Variants in OSBPL6 observed in about 807,000 individuals in gnomAD.
OSBPL6 encodes the protein oxysterol-binding protein-related protein 6.
A neutral mutation model predicts 125.8 loss-of-function variants in OSBPL6; 49 were observed. The ratio of observed to expected loss-of-function variants is 0.39; its 90% CI spans 0.31 to 0.49. OSBPL6 has a LOEUF of 0.49. Ranked by LOEUF, OSBPL6 falls within the 20% of genes least tolerant of loss-of-function variation. OSBPL6 has a pLI of 0.88. For missense variants in OSBPL6, 986 were observed against 1,135.4 expected, an observed-to-expected ratio of 0.87 and a Z score of 1.89; for synonymous variants, 394 against 391.8, an observed-to-expected ratio of 1.01 and a Z score of -0.07.
chr2:178,271,173 T>C (rs1417033772), intron 1 of OSBPL6, among the ~76,000 whole-genome samples: 9 of 152,232 alleles, frequency 5.9e-5, no homozygotes, highest in Non-Finnish European at 2.9e-5. Context: ...TGAATTGTAA[T>C]GGATGGCATT....
chr2:178,200,300 C>T (rs981589783), intron 1 of OSBPL6, among the ~76,000 whole-genome samples: 17 of 148,298 alleles, frequency 1.1e-4, no homozygotes, highest in Non-Finnish European at 4.5e-5. Context: ...CACCCAGGCC[C>T]GAGTGCAGCG....
chr2:178,374,118 C>G, intron 15 of OSBPL6, 91 bp downstream of exon 15: 3 of 1,418,544 alleles, frequency 2.1e-6, no homozygotes, highest in South Asian at 2.7e-5. Flanking sequence ...TTGGTGATTA[C>G]TTTCATTTGT....
At chr2:178,322,788 T>C (rs2154071701) in intron 3 of OSBPL6, among the ~76,000 whole-genome samples, 1 of 152,236 alleles carries the variant, frequency 6.6e-6, no homozygotes, top group African/African-American at 2.4e-5. Flanking sequence ...GTAATTTATT[T>C]GTTGGTGGGG....
intron 1 of OSBPL6, among the ~76,000 whole-genome samples, chr2:178,203,183 C>A (rs2089348082): frequency 6.6e-6 from 1 of 152,058 alleles, no homozygotes. Flanking sequence ...CACTTAGTTT[C>A]TTTTAACTTT....
intron 14 of OSBPL6, 112 bp from the exon 15 acceptor site, chr2:178,373,778 G>A (rs541277205): frequency 1.5e-6 from 2 of 1,325,860 alleles, no homozygotes; most frequent in South Asian, 3.0e-5. Flanking sequence ...ATTGCTTGTG[G>A]CTGCCACTTT....
intron 1 of OSBPL6, among the ~76,000 whole-genome samples, chr2:178,240,870 AG>A (rs1202738510): frequency 2.0e-5 from 3 of 152,214 alleles, no homozygotes; most frequent in African/African-American, 7.2e-5. Context: ...AATTGTCCCC[AG>A]GGGCCTATTC....
At chr2:178,268,616 A>G (rs1176261970) in intron 1 of OSBPL6, among the ~76,000 whole-genome samples, 1 of 152,216 alleles carries the variant, frequency 6.6e-6, no homozygotes, top group Non-Finnish European at 1.5e-5. Context: ...AACTTCATAT[A>G]AATGGAATTA....
At chr2:178,225,122 A>C (rs1053467313) in intron 1 of OSBPL6, among the ~76,000 whole-genome samples, 1 of 152,006 alleles carries the variant, frequency 6.6e-6, no homozygotes, top group African/African-American at 2.4e-5. Context: ...TAGTTGCTCT[A>C]ATAAGCTGAA....
chr2:178,227,065 A>T (rs1023222836), intron 1 of OSBPL6, among the ~76,000 whole-genome samples: 2 of 152,224 alleles, frequency 1.3e-5, no homozygotes, highest in African/African-American at 4.8e-5. Context: ...AGGATAGTAG[A>T]ATATATTAAG....
At chr2:178,243,419 C>T (rs890017480) in intron 1 of OSBPL6, among the ~76,000 whole-genome samples, 7 of 152,176 alleles carry the variant, frequency 4.6e-5, no homozygotes, top group African/African-American at 1.7e-4. Context: ...GCCAACTAAG[C>T]CTGTGCCTCT....
At chr2:178,318,871 T>C (rs6433719) in intron 3 of OSBPL6, among the ~76,000 whole-genome samples, 146,069 of 152,302 alleles carry the variant, frequency 0.96, 70,105 homozygotes, top group Non-Finnish European at 0.98. Context: ...GATTCCTAGA[T>C]ATTTATTCCT....
chr2:178,363,557 C>A (rs745807359), intron 13 of OSBPL6, among the ~76,000 whole-genome samples: 38 of 152,068 alleles, frequency 2.5e-4, no homozygotes, highest in Non-Finnish European at 3.8e-4. Context: ...ATGGCAGATC[C>A]CTGAGTTGAG....
chr2:178,375,594 GT>G (rs975053035), intron 15 of OSBPL6, among the ~76,000 whole-genome samples: 1 of 151,530 alleles, frequency 6.6e-6, no homozygotes, highest in Non-Finnish European at 1.5e-5. Flanking sequence ...TGCTAATTTT[GT>G]TTTTTTTAGT....
intron 3 of OSBPL6, among the ~76,000 whole-genome samples, chr2:178,317,980 G>A (rs368491931): frequency 5.9e-5 from 9 of 152,226 alleles, no homozygotes; most frequent in Admixed American, 1.3e-4. Flanking sequence ...AGCATGATCC[G>A]TATGTGCTTA....
At chr2:178,212,294 A>C (rs62177215) in intron 1 of OSBPL6, among the ~76,000 whole-genome samples, 14,625 of 152,170 alleles carry the variant, frequency 0.096, 807 homozygotes, top group African/African-American at 0.15. Flanking sequence ...CTGGAGCCCG[A>C]GTTCTTTTAG....
At chr2:178,284,318 C>G (rs1321150599) in intron 1 of OSBPL6, among the ~76,000 whole-genome samples, 1 of 152,042 alleles carries the variant, frequency 6.6e-6, no homozygotes, top group African/African-American at 2.4e-5. Context: ...TTTGGGAGGC[C>G]GAGGCAGGCA....
intron 2 of OSBPL6, among the ~76,000 whole-genome samples, chr2:178,290,346 C>T (rs1685126918): frequency 6.6e-6 from 1 of 151,514 alleles, no homozygotes; most frequent in African/African-American, 2.4e-5. Flanking sequence ...CGAGAAACTT[C>T]CCTTTTTTCT....
intron 1 of OSBPL6, among the ~76,000 whole-genome samples, chr2:178,239,351 G>A (rs1039705600): frequency 6.6e-6 from 1 of 152,128 alleles, no homozygotes; most frequent in Non-Finnish European, 1.5e-5. Context: ...TTGAGCCCAG[G>A]AGTTCAAGAC....
At position 178,363,395 on chromosome 2, in the gene OSBPL6, A is replaced by G. The variant is rs550529623; in HGVS notation, c.1287+1580A>G. 5.5e-4 allele frequency among the ~76,000 whole-genome samples: 84 copies of G among 152,338 alleles called. 2 individuals carry two copies. In the South Asian group the frequency reaches 0.017, roughly 30 times the overall value. ...TGCTAGGTATTGTGCAAGGTACAGA[A>G]CACCAAGGTTAAAGTAGCCCTGGCC... On this transcript the variant is annotated intron_variant, in intron 13 of 24. Transcript: ENST00000190611.
Sources: gnomAD v4.1 joint callset for allele counts (sites outside exome capture counted in the v4.1 genomes callset) on GRCh38, gnomAD v4.1.1 for gene constraint, MANE v1.5 for transcripts, NCBI Gene and HGNC (gene_info 2026-07-23, HGNC 2026-07-21) for gene names.